PRRC2C: variants seen among roughly 807,000 people sequenced by gnomAD.
The protein encoded by PRRC2C is proline rich coiled-coil 2C, also known as protein PRRC2C.
A neutral mutation model predicts 317.2 loss-of-function variants in PRRC2C; 72 were observed. The ratio of observed to expected loss-of-function variants is 0.23; its 90% confidence interval spans 0.19 to 0.28. The LOEUF is 0.28. PRRC2C is among the 10% of genes least tolerant of loss of function. The probability of loss-of-function intolerance (pLI) is 1.00; values close to 1 mark genes in which losing one functional copy is unlikely to be tolerated. For missense variants in PRRC2C, 3,074 were observed against 3,459.7 expected (o/e 0.89, Z 2.80); for synonymous variants, 1,296 against 1,205.9 (o/e 1.07, Z -1.55).
At chr1:171,545,359 A>T in intron 16 of PRRC2C, 120 bp from the exon 17 acceptor site, 1 of 801,430 alleles carries the variant, frequency 1.2e-6, no homozygotes, top group Non-Finnish European at 1.9e-6. Context: ...GGTTACAGTT[A>T]AGAGTTTTCT....
At chr1:171,524,401 T>G (rs1024436674) in intron 9 of PRRC2C, among the ~76,000 whole-genome samples, 1 of 152,240 alleles carries the variant, frequency 6.6e-6, no homozygotes, top group African/African-American at 2.4e-5. Flanking sequence ...CATCGTTTTA[T>G]GATCGTTTAA....
intron 11 of PRRC2C, among the ~76,000 whole-genome samples, chr1:171,531,879 T>A (rs1187748816): frequency 6.6e-6 from 1 of 152,244 alleles, no homozygotes; most frequent in African/African-American, 2.4e-5. Flanking sequence ...TTTGCTTCTT[T>A]GGCTCTGTGC....
chr1:171,579,557 A>G, intron 27 of PRRC2C, 91 bp downstream of exon 27: 1 of 1,459,844 alleles, frequency 6.9e-7, no homozygotes, highest in Non-Finnish European at 9.0e-7. Context: ...ATAGACTCTG[A>G]AATTACAAGC....
intron 20 of PRRC2C, 91 bp from the exon 21 acceptor site, chr1:171,566,142 C>A: frequency 9.8e-7 from 1 of 1,022,880 alleles, no homozygotes; most frequent in South Asian, 1.9e-5. Flanking sequence ...TGTCTTAAAC[C>A]TTCTATTGTA....
rs1310883898 is a variant in PRRC2C, at chr1:171,532,382, G to A, written c.1294G>A (p.Gly432Ser). The A allele has an allele frequency of 1.9e-6, 3 of 1,613,746 alleles. No individual in the cohort carries two copies. Among genetic ancestry groups the A allele is most frequent in the Non-Finnish European group, 2.5e-6 (3 of 1,179,866 alleles). ...TCGACAGGCAGTACCTGGAAGACCA[G>A]GCCCCTTTCCCTCCAAGCAGCAAGT... ...PDRQAVPGRP[G>S]PFPSKQQVAD... is the part of the protein sequence containing the mutation. Residue 432 changes from glycine to serine, a missense_variant, in exon 12 of 35, where the codon GGC (glycine) becomes AGC (serine). Gly to Ser is a moderately conservative substitution (Grantham distance 56). Transcript: ENST00000647382.
At chr1:171,527,663 T>C in intron 10 of PRRC2C, 128 bp from the exon 11 acceptor site, 1 of 673,484 alleles carries the variant, frequency 1.5e-6, no homozygotes, top group Non-Finnish European at 2.5e-6. Context: ...GGCTGAGGCA[T>C]GAGAATTGCT....
intron 17 of PRRC2C, among the ~76,000 whole-genome samples, 194 bp from the exon 18 acceptor site, chr1:171,549,892 A>T (rs1353182689): frequency 6.6e-6 from 1 of 152,066 alleles, no homozygotes; most frequent in East Asian, 1.9e-4. Context: ...CAACTTTAAG[A>T]GTATGAAATC....
intron 11 of PRRC2C, 137 bp from the exon 12 acceptor site, chr1:171,532,206 T>C (rs1232672041): frequency 5.1e-5 from 44 of 865,584 alleles, no homozygotes; most frequent in South Asian, 4.9e-4. Flanking sequence ...TCCCATCTTA[T>C]GTGTTTTCAT....
At chr1:171,576,611 T>C (rs893782235) in intron 25 of PRRC2C, among the ~76,000 whole-genome samples, 2 of 152,218 alleles carry the variant, frequency 1.3e-5, no homozygotes, top group Non-Finnish European at 2.9e-5. Context: ...TTATTTAATT[T>C]GTTTTAAAGG....
In PRRC2C at chr1:171,579,399, C is replaced by G; in HGVS notation, c.7205C>G (p.Thr2402Ser). The G allele has an allele frequency of 6.2e-7, 1 of 1,613,962 alleles. No individual in the cohort carries two copies. Among genetic ancestry groups the G allele is most frequent in the Non-Finnish European group, 8.5e-7 (1 of 1,179,872 alleles). ...FYMDTSHLFN[T>S]QHARLAPPSL... ...ATGGACACAAGTCATTTATTCAATA[C>G]CCAACATGCACGATTGGCTCCGCCA... Residue 2402 changes from threonine to serine, a missense_variant, in exon 27 of 35, where the codon ACC becomes AGC. This residue lies in a region of PRRC2C where 490 missense variants were observed against 663.1 expected (regional missense o/e 0.74). Transcript: ENST00000647382.
In PRRC2C at chr1:171,540,559, A is replaced by T; in HGVS notation, c.3093A>T (p.Glu1031Asp). The T allele has an allele frequency of 6.2e-7, 1 of 1,613,968 alleles. No homozygotes were observed. Residue 1031 changes from glutamate to aspartate, a missense_variant, in exon 16 of 35, where the codon GAA becomes GAT. Transcript: ENST00000647382. ...TTAGAGATATGAAAGAGGAACGGGA[A>T]CAGAGGAAGGAGAAAGAAGGAGAAA... ...PVLRDMKEER[E>D]QRKEKEGEKA...
In PRRC2C at chr1:171,584,553, C is replaced by G. The variant is rs542731867; in HGVS notation, c.7749+27C>G. ...TAAACTATGGCATGGTAAATTTCCTCAATTTTCTTTATTATTATTTTTATT... is the reference window on the plus strand; with the variant it reads ...TAAACTATGGCATGGTAAATTTCCTGAATTTTCTTTATTATTATTTTTATT... On this transcript the variant is annotated intron_variant, in intron 30 of 34. Coordinates refer to ENST00000647382, the MANE Select transcript of PRRC2C (RefSeq NM_001387844.1). The G allele has an allele frequency of 4.0e-6, 6 of 1,517,696 alleles. No individual in the cohort carries two copies. In the South Asian group the frequency reaches 7.7e-5, roughly 20 times the overall value. 94.0% of individuals were successfully genotyped at this position (1,517,696 alleles called of 1,614,324 possible). A position where few individuals can be genotyped will look rare whatever the true frequency, so the allele number is the denominator to read the frequency against.
intron 18 of PRRC2C, among the ~76,000 whole-genome samples, chr1:171,556,615 G>T (rs1309376667): frequency 6.6e-6 from 1 of 152,094 alleles, no homozygotes; most frequent in Non-Finnish European, 1.5e-5. Context: ...GTATGCTAGG[G>T]ACACCTTATT....
At chr1:171,576,918 G>A (rs1313546440) in intron 25 of PRRC2C, among the ~76,000 whole-genome samples, 1 of 152,084 alleles carries the variant, frequency 6.6e-6, no homozygotes, top group East Asian at 1.9e-4. Flanking sequence ...TATACTCCTG[G>A]CCTCAACATG....
intron 25 of PRRC2C, among the ~76,000 whole-genome samples, chr1:171,577,218 CTG>C (rs1647240306): frequency 6.6e-6 from 1 of 152,068 alleles, no homozygotes; most frequent in South Asian, 2.1e-4. Flanking sequence ...TTTTGATTTT[CTG>C]TTGTTTATTG....
Position 171,568,436 on chromosome 1 carries a change from A to G in PRRC2C, c.6651+97A>G, listed in dbSNP as rs560933829. ...TGTTTTATTTACTGTAGTGATCAAT[A>G]TTTAACTCAGGGAAAGAGTTGATAG... On this transcript the variant is annotated intron_variant, in intron 23 of 34. Coordinates refer to ENST00000647382, the MANE Select transcript of PRRC2C (RefSeq NM_001387844.1). 5.6e-6 allele frequency: 8 copies of G among 1,436,538 alleles called. No homozygotes were observed. The South Asian group carries it at 1.0e-4, about 19-fold the overall frequency. 89.0% of individuals were successfully genotyped at this position (1,436,538 alleles called of 1,614,324 possible). A position where few individuals can be genotyped will look rare whatever the true frequency, so the allele number is the denominator to read the frequency against.
At chr1:171,522,464 T>G in intron 7 of PRRC2C, 1 of 321,340 alleles carries the variant, frequency 3.1e-6, no homozygotes, top group Non-Finnish European at 5.7e-6. Context: ...TTAATTTACA[T>G]AGGATTTTGA....
At chr1:171,550,384 C>A in intron 18 of PRRC2C, 144 bp downstream of exon 18, 6 of 659,570 alleles carry the variant, frequency 9.1e-6, no homozygotes, top group Non-Finnish European at 1.4e-5. Context: ...AACTTTTAAT[C>A]ATTTTGACCA....
chr1:171,514,314 C>T lies in PRRC2C; in HGVS notation c.291-222C>T, dbSNP rs1172571387. Among the ~76,000 whole-genome samples the T allele has an allele frequency of 4.6e-5, 7 of 151,128 alleles. No homozygotes were observed. In the East Asian group the frequency reaches 1.2e-3, roughly 25 times the overall value. The stretch of plus-strand genomic sequence containing the variant: ...TGTTTTAAACAAAATGGAAAACAAG[C>T]AAAACTCATCTCATTGGGTTATTCA... On this transcript the variant is annotated intron_variant, in intron 3 of 34. Transcript: ENST00000647382.
Sources: allele counts gnomAD v4.1 joint callset (sites outside exome capture counted in the v4.1 genomes callset), GRCh38; gene constraint gnomAD v4.1.1; regional missense constraint gnomAD v4.1.1; transcripts MANE v1.5; gene names NCBI Gene and HGNC (gene_info 2026-07-23, HGNC 2026-07-21).